The following ATRNL1 variants were observed in gnomAD, a reference collection of about 807,000 sequenced individuals.
The protein encoded by ATRNL1 is attractin like 1, also known as attractin-like protein 1.
In ATRNL1, 95 loss-of-function variants were observed where a neutral mutation model predicts 182.7. The observed-to-expected ratio is 0.52, with a 90% CI of 0.44 to 0.62. The LOEUF (loss-of-function observed/expected upper bound fraction) is 0.62, where lower values mean the gene tolerates loss of function less well. ATRNL1 is among the 20% of genes least tolerant of loss of function. The probability of loss-of-function intolerance (pLI) is 0.00; values close to 1 mark genes in which losing one functional copy is unlikely to be tolerated. For missense variants in ATRNL1, 1,471 were observed against 1,679.5 expected (o/e 0.88, Z 2.17); for synonymous variants, 576 against 568.3 (o/e 1.01, Z -0.19).
chr10:115,093,964 G>T lies in ATRNL1; in HGVS notation c.214G>T (p.Gly72Cys), dbSNP rs1554862433. Reference sequence around the variant, plus strand: ...CGAGAGGACCGGCTCCTGCTTCTCGGGCCGCTGTGTCAACTCCACCTGCCT... The same window carrying T: ...CGAGAGGACCGGCTCCTGCTTCTCGTGCCGCTGTGTCAACTCCACCTGCCT... ...PCERTGSCFS[G>C]RCVNSTCLCD... Residue 72 changes from glycine to cysteine, a missense_variant, in exon 1 of 29, where the codon GGC becomes TGC. Coordinates refer to ENST00000355044, the MANE Select transcript of ATRNL1 (RefSeq NM_207303.4). The surrounding 1 kb of genome is among the most constrained non-coding windows in gnomAD (Gnocchi z 6.1). The T allele has an allele frequency of 6.3e-7, 1 of 1,588,278 alleles. No homozygotes were observed. Among genetic ancestry groups the T allele is most frequent in the South Asian group, 1.1e-5 (1 of 87,724 alleles).
At chr10:115,795,336 C>T (rs1949626222) in intron 27 of ATRNL1, among the ~76,000 whole-genome samples, 1 of 152,030 alleles carries the variant, frequency 6.6e-6, no homozygotes. Flanking sequence ...TTTATCTGTT[C>T]CCATATTTAT....
At chr10:115,302,958 G>T (rs1487495996) in intron 17 of ATRNL1, among the ~76,000 whole-genome samples, 1 of 137,508 alleles carries the variant, frequency 7.3e-6, no homozygotes, top group Non-Finnish European at 1.5e-5. Context: ...TCAAAAATAT[G>T]CCTTTTCACC....
intron 26 of ATRNL1, among the ~76,000 whole-genome samples, chr10:115,634,260 T>G (rs1209298006): frequency 1.3e-5 from 2 of 152,162 alleles, no homozygotes; most frequent in Non-Finnish European, 2.9e-5. Flanking sequence ...TCCGACTCAC[T>G]GTAATGAAAC....
chr10:115,588,326 G>T (rs556850172), intron 26 of ATRNL1, among the ~76,000 whole-genome samples: 1 of 152,092 alleles, frequency 6.6e-6, no homozygotes, highest in Admixed American at 6.5e-5. Flanking sequence ...CTCAACCTGT[G>T]GGGGACACAA....
At chr10:115,563,528 A>G (rs1037369598) in intron 26 of ATRNL1, among the ~76,000 whole-genome samples, 1 of 152,146 alleles carries the variant, frequency 6.6e-6, no homozygotes. Flanking sequence ...AGCAGTATGT[A>G]TTTTATATAT....
chr10:115,270,280 TATAAAC>T (rs1244650343), intron 13 of ATRNL1, among the ~76,000 whole-genome samples: 9 of 144,730 alleles, frequency 6.2e-5, no homozygotes, highest in East Asian at 3.9e-4. Flanking sequence ...TATATAAATA[TATAAAC>T]ATTTGTTTAT....
intron 1 of ATRNL1, among the ~76,000 whole-genome samples, chr10:115,115,613 A>C (rs900594016): frequency 6.6e-6 from 1 of 152,142 alleles, no homozygotes; most frequent in African/African-American, 2.4e-5. Flanking sequence ...GTTTTTAAAA[A>C]AGATTTCTAT....
At chr10:115,577,645 TG>T (rs1555005830) in intron 26 of ATRNL1, among the ~76,000 whole-genome samples, 1 of 149,940 alleles carries the variant, frequency 6.7e-6, no homozygotes, top group Non-Finnish European at 1.5e-5. Context: ...TGTGTGTGTG[TG>T]TGTGTGTAGC....
chr10:115,830,145 G>T (rs571399885), intron 27 of ATRNL1, among the ~76,000 whole-genome samples: 1 of 152,232 alleles, frequency 6.6e-6, no homozygotes, highest in East Asian at 1.9e-4. Context: ...AATAATATTT[G>T]GTTTGTGGAT....
intron 27 of ATRNL1, among the ~76,000 whole-genome samples, chr10:115,847,080 G>A (rs1950946258): frequency 6.6e-6 from 1 of 151,926 alleles, no homozygotes; most frequent in Admixed American, 6.6e-5. Context: ...GCATTGATGG[G>A]TGATTAGTAA....
At chr10:115,105,201 A>AT (rs373831413) in intron 1 of ATRNL1, among the ~76,000 whole-genome samples, 39 of 151,874 alleles carry the variant, frequency 2.6e-4, no homozygotes, top group African/African-American at 8.0e-4. Flanking sequence ...ATATCTTTCC[A>AT]TTTTTTTTGG....
intron 25 of ATRNL1, among the ~76,000 whole-genome samples, chr10:115,529,458 G>A (rs995464190): frequency 6.6e-6 from 1 of 151,420 alleles, no homozygotes; most frequent in African/African-American, 2.4e-5. Flanking sequence ...GAAATAAATG[G>A]AAATTTTCTT....
chr10:115,914,733 G>A (rs4336952), intron 28 of ATRNL1, among the ~76,000 whole-genome samples: 1 of 152,012 alleles, frequency 6.6e-6, no homozygotes, highest in Non-Finnish European at 1.5e-5. Flanking sequence ...TTCTTTTCCC[G>A]ATTGTTCAAC....
In ATRNL1 at chr10:115,101,087, A is replaced by G. The variant is rs140497024; in HGVS notation, c.293+7044A>G. Reference sequence around the variant, plus strand: ...GATTTTTTATCTTGCAATCTTGCCAAACTTACTTATTACTTGTGGTAGATT... The same window carrying G: ...GATTTTTTATCTTGCAATCTTGCCAGACTTACTTATTACTTGTGGTAGATT... On this transcript the variant is annotated intron_variant, in intron 1 of 28. Coordinates refer to ENST00000355044, the MANE Select transcript of ATRNL1 (RefSeq NM_207303.4). Among the ~76,000 whole-genome samples the G allele has an allele frequency of 2.6e-3, 403 of 152,248 alleles. 2 individuals are homozygous for G. Among genetic ancestry groups the G allele is most frequent in the African/African-American group, 9.4e-3 (390 of 41,562 alleles).
At chr10:115,106,240 C>T (rs186417122) in intron 1 of ATRNL1, among the ~76,000 whole-genome samples, 1 of 152,270 alleles carries the variant, frequency 6.6e-6, no homozygotes, top group East Asian at 1.9e-4. Context: ...TGCATAGGCC[C>T]TGTAACCCCT....
intron 24 of ATRNL1, among the ~76,000 whole-genome samples, chr10:115,493,477 A>C (rs1267746949): frequency 6.6e-6 from 1 of 152,186 alleles, no homozygotes; most frequent in African/African-American, 2.4e-5. Context: ...AGTATTCTAT[A>C]GTGTATACGT....
intron 25 of ATRNL1, among the ~76,000 whole-genome samples, chr10:115,520,734 A>G (rs564804809): frequency 9.2e-5 from 14 of 152,168 alleles, no homozygotes; most frequent in Non-Finnish European, 1.8e-4. Flanking sequence ...AACAATTTCA[A>G]TTTCTCATTT....
chr10:115,939,472 T>C (rs1953660824), intron 28 of ATRNL1, among the ~76,000 whole-genome samples: 1 of 152,220 alleles, frequency 6.6e-6, no homozygotes, highest in South Asian at 2.1e-4. Flanking sequence ...AAGGTAAAGC[T>C]TATAATAACT....
At chr10:115,433,295 T>A (rs1420009198) in intron 21 of ATRNL1, among the ~76,000 whole-genome samples, 1 of 152,124 alleles carries the variant, frequency 6.6e-6, no homozygotes, top group East Asian at 1.9e-4. Flanking sequence ...AATACTTGAA[T>A]TGACCCTTAT....
Sources: allele counts gnomAD v4.1 joint callset (sites outside exome capture counted in the v4.1 genomes callset), GRCh38; gene constraint gnomAD v4.1.1; non-coding constraint Gnocchi (gnomAD v3.1); transcripts MANE v1.5; gene names NCBI Gene and HGNC (gene_info 2026-07-23, HGNC 2026-07-21).